The following USP18 variants were observed in gnomAD, a reference collection of about 807,000 sequenced individuals.
USP18 encodes the protein ubiquitin specific peptidase 18, also known as ubl carboxyl-terminal hydrolase 18.
USP18 carries 11 observed loss-of-function variants against 48.7 expected under a neutral mutation model. That is an observed-to-expected ratio of 0.23 (90% CI 0.14 to 0.37). The LOEUF is 0.37. USP18 is among the 10% of genes least tolerant of loss of function. The pLI is 1.00. For missense variants in USP18, 285 were observed against 436.4 expected (o/e 0.65, Z 3.09); for synonymous variants, 114 against 163.2 (o/e 0.70, Z 2.30).
chr22:18,167,208 G>A (rs1417178270), intron 4 of USP18, 47 bp from the exon 5 acceptor site: 14 of 1,607,484 alleles, frequency 8.7e-6, no homozygotes, highest in African/African-American at 8.0e-5. Context: ...CATGAGAAGC[G>A]ACTCTGAAGA....
intron 1 of USP18, among the ~76,000 whole-genome samples, chr22:18,155,239 C>T (rs1929096898): frequency 6.6e-6 from 1 of 152,244 alleles, no homozygotes; most frequent in Non-Finnish European, 1.5e-5. Flanking sequence ...GGGTTCTCAT[C>T]TGGCACTAGG....
chr22:18,164,043 C>T lies in USP18; in HGVS notation c.400+2108C>T, dbSNP rs5993025. Among the ~76,000 whole-genome samples the T allele has an allele frequency of 5.4e-3, 824 of 152,360 alleles. 7 individuals are homozygous for T. The highest frequency in any genetic ancestry group is 0.019 in the African/African-American group (790 of 41,574). On this transcript the variant is annotated intron_variant, in intron 4 of 10. Transcript: ENST00000215794. ...CATATTGAAACTGCACACTCCTTCACGCATTGTTTTACTCTTTGTCACCCC... is the reference window on the plus strand; with the variant it reads ...CATATTGAAACTGCACACTCCTTCATGCATTGTTTTACTCTTTGTCACCCC...
At position 18,158,016 on chromosome 22, in the gene USP18, G is replaced by A. The variant is rs570117840; in HGVS notation, c.157+196G>A. Among the ~76,000 whole-genome samples, 8 of 152,314 alleles carry A rather than the reference G, an allele frequency of 5.3e-5. No homozygotes were observed. The East Asian group carries it at 1.4e-3, about 26-fold the overall frequency. On this transcript the variant is annotated intron_variant, in intron 2 of 10. Transcript: ENST00000215794. ...GTAAAAAACAAAAACAAGGTCGGGCGCGGTGGCTCATGCCTGTAATCCCAG... is the reference window on the plus strand; with the variant it reads ...GTAAAAAACAAAAACAAGGTCGGGCACGGTGGCTCATGCCTGTAATCCCAG...
chr22:18,171,724 A>G (rs1441437169), intron 8 of USP18, among the ~76,000 whole-genome samples: 1 of 151,932 alleles, frequency 6.6e-6, no homozygotes, highest in Non-Finnish European at 1.5e-5. Context: ...GTATTCCTGT[A>G]TGTACGGGTC....
At chr22:18,152,051 C>T (rs1482286737) in intron 1 of USP18, among the ~76,000 whole-genome samples, 1 of 151,786 alleles carries the variant, frequency 6.6e-6, no homozygotes, top group East Asian at 1.9e-4. Flanking sequence ...GAGACTCCGT[C>T]TCAAAAATAA....
chr22:18,155,698 G>A (rs946477895), intron 1 of USP18, among the ~76,000 whole-genome samples: 3 of 152,208 alleles, frequency 2.0e-5, no homozygotes, highest in South Asian at 2.1e-4. Context: ...TCGATTTCTC[G>A]CCGGGCCTTA....
At chr22:18,153,705 A>G (rs957263834) in intron 1 of USP18, among the ~76,000 whole-genome samples, 1 of 152,156 alleles carries the variant, frequency 6.6e-6, no homozygotes, top group Non-Finnish European at 1.5e-5. Context: ...GCCTCAGCCA[A>G]CCAAAGTGCT....
intron 1 of USP18, among the ~76,000 whole-genome samples, chr22:18,153,429 C>CAAAAA (rs773524805): frequency 7.9e-6 from 1 of 126,394 alleles, no homozygotes; most frequent in African/African-American, 3.1e-5. Flanking sequence ...AATTCCATCT[C>CAAAAA]AAAAAAAAAA....
intron 2 of USP18, among the ~76,000 whole-genome samples, chr22:18,158,423 T>C (rs1304023541): frequency 6.6e-6 from 1 of 152,216 alleles, no homozygotes; most frequent in African/African-American, 2.4e-5. Flanking sequence ...TTAGTTCCCA[T>C]CTTTACTGCT....
At chr22:18,170,433 G>A (rs1477307731) in intron 7 of USP18, among the ~76,000 whole-genome samples, 1 of 152,196 alleles carries the variant, frequency 6.6e-6, no homozygotes, top group Admixed American at 6.5e-5. Flanking sequence ...ACTGCAGGAG[G>A]GCGCCTGAGA....
rs367617113 is a variant in USP18 at position 18,167,920 on chromosome 22, C to A, written c.511C>A (p.Arg171=). Residue 171 remains arginine, a synonymous_variant, in exon 6 of 11, where the codon CGG becomes AGG. Coordinates refer to ENST00000215794, the MANE Select transcript of USP18 (RefSeq NM_017414.4). ...GAGACTGCAGGCCCTGTATACGATC[C>A]GGGTGAAGGACTCCTTGATTTGCGT... The part of the protein sequence containing the change: ...VERLQALYTI[R]VKDSLICVDC... 3 of 1,613,922 alleles carry A rather than the reference C, an allele frequency of 1.9e-6. No individual in the cohort carries two copies. Among genetic ancestry groups the A allele is most frequent in the Non-Finnish European group, 1.7e-6 (2 of 1,179,994 alleles).
chr22:18,167,615 G>A (rs956654517), intron 5 of USP18, among the ~76,000 whole-genome samples: 3 of 150,908 alleles, frequency 2.0e-5, no homozygotes, highest in Non-Finnish European at 4.4e-5. Context: ...GGAGAATGGC[G>A]TGAACCCGGG....
rs1602530527 is a variant in USP18 at position 18,169,882 on chromosome 22, A to C, written c.666A>C (p.Leu222Phe). Residue 222 changes from leucine to phenylalanine, a missense_variant, in exon 7 of 11, where the codon TTA becomes TTC. By Grantham distance (22) the Leu-to-Phe change is conservative (BLOSUM62 0). Coordinates refer to ENST00000215794, the MANE Select transcript of USP18 (RefSeq NM_017414.4). The part of the protein sequence containing the change: ...ALHCFFQPRE[L>F]SSKSKCFCEN... ...ACTGCTTCTTCCAGCCCAGGGAGTT[A>C]TCAAGCAAAAGCAAGTGCTTCTGTG... 6.2e-7 allele frequency: 1 copy of C among 1,607,892 alleles called. No homozygotes were observed. The highest frequency in any genetic ancestry group is 8.5e-7 in the Non-Finnish European group (1 of 1,176,900).
intron 8 of USP18, among the ~76,000 whole-genome samples, chr22:18,172,669 A>G (rs1929663767): frequency 6.6e-6 from 1 of 151,470 alleles, no homozygotes; most frequent in South Asian, 2.1e-4. Context: ...TGCATTTTGT[A>G]AAGTTCTGCA....
intron 1 of USP18, among the ~76,000 whole-genome samples, chr22:18,151,088 A>G (rs1928988052): frequency 1.4e-5 from 2 of 142,624 alleles, no homozygotes; most frequent in South Asian, 4.3e-4. Flanking sequence ...TCATACAAAT[A>G]TATCGGTGGA....
At chr22:18,172,177 G>A (rs1163346646) in intron 8 of USP18, among the ~76,000 whole-genome samples, 1 of 152,232 alleles carries the variant, frequency 6.6e-6, no homozygotes, top group Non-Finnish European at 1.5e-5. Flanking sequence ...GAGTTAGACA[G>A]TGAATCCTTG....
intron 6 of USP18, among the ~76,000 whole-genome samples, chr22:18,169,064 C>T (rs1602529853): frequency 6.6e-6 from 1 of 152,078 alleles, no homozygotes; most frequent in African/African-American, 2.4e-5. Context: ...AAGCTGAAAC[C>T]CTCAGCTGCA....
At chr22:18,174,665 T>C (rs1840152766) in intron 10 of USP18, among the ~76,000 whole-genome samples, 1 of 152,004 alleles carries the variant, frequency 6.6e-6, no homozygotes, top group Admixed American at 6.6e-5. Context: ...CATAGCTCAC[T>C]GCAGCCTTGA....
At chr22:18,152,962 A>G (rs372179503) in intron 1 of USP18, among the ~76,000 whole-genome samples, 5 of 152,146 alleles carry the variant, frequency 3.3e-5, no homozygotes, top group African/African-American at 1.2e-4. Context: ...CTTTCCCTCA[A>G]TGATGAGCTC....
Sources: gnomAD v4.1 joint callset for allele counts (sites outside exome capture counted in the v4.1 genomes callset) on GRCh38, gnomAD v4.1.1 for gene constraint, MANE v1.5 for transcripts, NCBI Gene and HGNC (gene_info 2026-07-23, HGNC 2026-07-21) for gene names.